SLC10A7: variants seen among roughly 807,000 people sequenced by gnomAD.
SLC10A7 encodes the protein sodium/bile acid cotransporter 7.
SLC10A7 carries 29 observed loss-of-function variants against 43.2 expected under a neutral mutation model. That is an observed-to-expected ratio of 0.67 (90% confidence interval 0.50 to 0.92). SLC10A7 has a LOEUF of 0.92. Among genes scored for constraint, SLC10A7 ranks in the 40% least tolerant of loss-of-function variants. The probability of loss-of-function intolerance (pLI) is 0.00; values close to 1 mark genes in which losing one functional copy is unlikely to be tolerated. For missense variants in SLC10A7, 295 were observed against 403.2 expected, an observed-to-expected ratio of 0.73 and a Z score of 2.30; for synonymous variants, 152 against 144.8, an observed-to-expected ratio of 1.05 and a Z score of -0.35.
intron 4 of SLC10A7, among the ~76,000 whole-genome samples, chr4:146,483,672 A>G (rs1734678045): frequency 6.6e-6 from 1 of 152,152 alleles, no homozygotes. Context: ...AAAGACATAG[A>G]GAGGATGATT....
chr4:146,492,704 A>G (rs572284425), intron 4 of SLC10A7, among the ~76,000 whole-genome samples: 1 of 152,372 alleles, frequency 6.6e-6, no homozygotes, highest in East Asian at 1.9e-4. Context: ...GATAGATGCC[A>G]AACATCTTAA....
At chr4:146,301,619 G>A (rs1283475625) in intron 7 of SLC10A7, among the ~76,000 whole-genome samples, 1 of 152,138 alleles carries the variant, frequency 6.6e-6, no homozygotes, top group Non-Finnish European at 1.5e-5. Context: ...TGATGAAGGT[G>A]TGTCATCCTC....
At chr4:146,368,525 G>C (rs991039094) in intron 5 of SLC10A7, among the ~76,000 whole-genome samples, 6 of 152,240 alleles carry the variant, frequency 3.9e-5, no homozygotes, top group African/African-American at 1.4e-4. Context: ...TTTTTACGTA[G>C]GTAGTAACCC....
At chr4:146,411,102 T>G (rs994300188) in intron 5 of SLC10A7, among the ~76,000 whole-genome samples, 1 of 152,262 alleles carries the variant, frequency 6.6e-6, no homozygotes, top group Non-Finnish European at 1.5e-5. Flanking sequence ...CCCAAAGTAC[T>G]GGGATTACAG....
chr4:146,283,311 A>C, intron 9 of SLC10A7, 46 bp from the exon 10 acceptor site: 3 of 1,478,078 alleles, frequency 2.0e-6, no homozygotes, highest in Non-Finnish European at 2.8e-6. Context: ...TAAAAAGCCA[A>C]TTTAACACAT....
At chr4:146,336,830 A>T (rs551171738) in intron 5 of SLC10A7, among the ~76,000 whole-genome samples, 1 of 152,220 alleles carries the variant, frequency 6.6e-6, no homozygotes, top group East Asian at 1.9e-4. Context: ...AAAAGAGGAC[A>T]GAAAAATATA....
chr4:146,429,587 A>G (rs936834564), intron 5 of SLC10A7, among the ~76,000 whole-genome samples: 2 of 152,184 alleles, frequency 1.3e-5, no homozygotes, highest in Admixed American at 6.5e-5. Context: ...TTATAGAAAG[A>G]AAAATAGCAG....
chr4:146,409,987 T>A (rs1184397365), intron 5 of SLC10A7, among the ~76,000 whole-genome samples: 1 of 152,200 alleles, frequency 6.6e-6, no homozygotes, highest in Non-Finnish European at 1.5e-5. Flanking sequence ...ACATGATATA[T>A]TCAATAATGA....
Position 146,256,743 on chromosome 4 carries a change from C to T in SLC10A7, c.994-223G>A, listed in dbSNP as rs375230614. 479 of 1,170,040 alleles carry T rather than the reference C, an allele frequency of 4.1e-4. 6 individuals are homozygous for T. The South Asian group carries it at 5.4e-3, about 13-fold the overall frequency. The allele number at this position is 1,170,040 out of a possible 1,614,324, so 72.5% of individuals were successfully genotyped here. A position where few individuals can be genotyped will look rare whatever the true frequency, so the allele number is the denominator to read the frequency against. ...CCCTCCCACACCTGGCCTGGCTACT[C>T]GTATGGTTCCCCTGTGCACTAGATG... On this transcript the variant is annotated intron_variant, in intron 11 of 11. Coordinates refer to ENST00000335472, the MANE Select transcript of SLC10A7 (RefSeq NM_001029998.6).
At chr4:146,355,663 G>A (rs1344271487) in intron 5 of SLC10A7, among the ~76,000 whole-genome samples, 1 of 151,926 alleles carries the variant, frequency 6.6e-6, no homozygotes, top group South Asian at 2.1e-4. Flanking sequence ...TGATAGACTG[G>A]ATTAAGAAAA....
At chr4:146,439,968 T>C (rs1730473235) in intron 5 of SLC10A7, among the ~76,000 whole-genome samples, 1 of 152,210 alleles carries the variant, frequency 6.6e-6, no homozygotes. Context: ...TAATCCCAAC[T>C]CAAGCACCAA....
At chr4:146,328,438 C>T (rs755149413) in intron 5 of SLC10A7, among the ~76,000 whole-genome samples, 1 of 152,188 alleles carries the variant, frequency 6.6e-6, no homozygotes, top group Non-Finnish European at 1.5e-5. Context: ...ATTAATCTGC[C>T]CCACCTACTG....
intron 5 of SLC10A7, among the ~76,000 whole-genome samples, chr4:146,326,621 C>T (rs1002901361): frequency 6.6e-6 from 1 of 152,096 alleles, no homozygotes; most frequent in African/African-American, 2.4e-5. Flanking sequence ...TTGTTTTCTT[C>T]GATGACAGGG....
chr4:146,421,540 A>G (rs1036643119), intron 5 of SLC10A7, among the ~76,000 whole-genome samples: 2 of 152,142 alleles, frequency 1.3e-5, no homozygotes, highest in African/African-American at 2.4e-5. Flanking sequence ...ATCATGTCCA[A>G]GTTGAGCCTC....
chr4:146,481,966 A>G (rs1184983969), intron 4 of SLC10A7, among the ~76,000 whole-genome samples: 2 of 152,204 alleles, frequency 1.3e-5, no homozygotes, highest in Admixed American at 1.3e-4. Context: ...ATAAGCTGTG[A>G]AACCACCACC....
chr4:146,454,056 A>G lies in SLC10A7; in HGVS notation c.397-11235T>C, dbSNP rs374243521. Among the ~76,000 whole-genome samples the G allele has an allele frequency of 9.2e-5, 14 of 152,044 alleles. No homozygotes were observed. In the South Asian group the frequency reaches 1.7e-3, roughly 18 times the overall value. ...CTTATTTCTAGTAGAATACTTTTTA[A>G]GAGCTTAAAAGAATTGTTTCAACAT... On this transcript the variant is annotated intron_variant, in intron 4 of 11. Coordinates refer to ENST00000335472, the MANE Select transcript of SLC10A7 (RefSeq NM_001029998.6).
chr4:146,412,219 G>A (rs1560883985), intron 5 of SLC10A7, among the ~76,000 whole-genome samples: 1 of 152,050 alleles, frequency 6.6e-6, no homozygotes, highest in Non-Finnish European at 1.5e-5. Flanking sequence ...TAATTCACAT[G>A]ACTTTCTCAA....
intron 5 of SLC10A7, among the ~76,000 whole-genome samples, chr4:146,436,682 C>T (rs66989520): frequency 0.12 from 18,873 of 152,052 alleles, 1,278 homozygotes; most frequent in Non-Finnish European, 0.15. Context: ...GTCTTTTCAA[C>T]TCTCTTTCAA....
chr4:146,399,436 T>C lies in SLC10A7; in HGVS notation c.435+43347A>G, dbSNP rs535567511. ...AATACAATGTAAACGTTTATATTAT[T>C]TAAAGATTACTACAGCCAATGTGTG... On this transcript the variant is annotated intron_variant, in intron 5 of 11. Coordinates refer to ENST00000335472, the MANE Select transcript of SLC10A7 (RefSeq NM_001029998.6). Among the ~76,000 whole-genome samples, 453 of 152,274 alleles carry C rather than the reference T, an allele frequency of 3.0e-3. 2 individuals carry two copies. The highest frequency in any genetic ancestry group is 0.01 in the African/African-American group (424 of 41,558).
Sources: allele counts gnomAD v4.1 joint callset (sites outside exome capture counted in the v4.1 genomes callset), GRCh38; gene constraint gnomAD v4.1.1; transcripts MANE v1.5; gene names NCBI Gene and HGNC (gene_info 2026-07-23, HGNC 2026-07-21).